The following GEN1 variants were observed in gnomAD, a reference collection of about 807,000 sequenced individuals.
The protein encoded by GEN1 is flap endonuclease GEN homolog 1.
A neutral mutation model predicts 67.6 loss-of-function variants in GEN1; 64 were observed. The ratio of observed to expected loss-of-function variants is 0.95; its 90% confidence interval spans 0.77 to 1.17. The LOEUF (loss-of-function observed/expected upper bound fraction) is 1.17, where lower values mean the gene tolerates loss of function less well. Among genes scored for constraint, GEN1 ranks in the 50% most tolerant of loss-of-function variants. The probability of loss-of-function intolerance (pLI) is 0.00; values close to 1 mark genes in which losing one functional copy is unlikely to be tolerated. For synonymous variants in GEN1, 371 were observed against 359.4 expected (o/e 1.03, Z -0.37); for missense variants, 1,058 against 1,048.3 (o/e 1.01, Z -0.13).
chr2:17,762,655 A>G (rs905269377), intron 3 of GEN1, among the ~76,000 whole-genome samples: 2 of 152,192 alleles, frequency 1.3e-5, no homozygotes, highest in African/African-American at 4.8e-5. Flanking sequence ...GTGGTTGTGC[A>G]ACATGTATGA....
chr2:17,757,942 G>C (rs1453926164), intron 1 of GEN1, among the ~76,000 whole-genome samples: 1 of 152,160 alleles, frequency 6.6e-6, no homozygotes, highest in Non-Finnish European at 1.5e-5. Context: ...GTTTTGAAAA[G>C]TGGTTCTTGC....
intron 12 of GEN1, among the ~76,000 whole-genome samples, chr2:17,779,342 C>G (rs757832406): frequency 9.9e-5 from 15 of 152,242 alleles, no homozygotes; most frequent in African/African-American, 3.1e-4. Flanking sequence ...AATTTTAACA[C>G]TTAACTGAAT....
At chr2:17,757,408 C>T (rs1490652467) in intron 1 of GEN1, among the ~76,000 whole-genome samples, 1 of 151,650 alleles carries the variant, frequency 6.6e-6, no homozygotes. Flanking sequence ...TACCATAACC[C>T]TCAGAAGGAA....
chr2:17,776,339 T>C (rs1287890196), intron 11 of GEN1, among the ~76,000 whole-genome samples: 2 of 152,158 alleles, frequency 1.3e-5, no homozygotes, highest in Non-Finnish European at 2.9e-5. Flanking sequence ...AGGACCTTTT[T>C]TTTAGGACAA....
rs946255296 is a variant in GEN1, at chr2:17,781,997, CAG to C, written c.*61_*62del. 4 of 927,618 alleles carry C rather than the reference CAG, an allele frequency of 4.3e-6. No individual in the cohort carries two copies. In the African/African-American group the frequency reaches 6.7e-5, roughly 15 times the overall value. 57.5% of individuals were successfully genotyped at this position (927,618 alleles called of 1,614,324 possible). A position where few individuals can be genotyped will look rare whatever the true frequency, so the allele number is the denominator to read the frequency against. ...TTAGTACTATCAGCAATAGCAGAGA[CAG>C]AGGGAAGGTATCTAGTTCATGTGTG... On this transcript the variant is annotated 3_prime_UTR_variant, in exon 14 of 14. Transcript: ENST00000381254.
At position 17,754,256 on chromosome 2, in the gene GEN1, GA is replaced by G. The variant is rs941467369; in HGVS notation, c.-102del. ...TTTTTTTTCCTTTTGAGAAAATTCAGAAATTTGGAGGCACAGTAGTTAGGAT... is the reference window on the plus strand; with the variant it reads ...TTTTTTTTCCTTTTGAGAAAATTCAGAATTTGGAGGCACAGTAGTTAGGAT... On this transcript the variant is annotated 5_prime_UTR_variant, in exon 1 of 14. Coordinates refer to ENST00000381254, the MANE Select transcript of GEN1 (RefSeq NM_001130009.3). 1 of 151,844 alleles carries G rather than the reference GA, an allele frequency of 6.6e-6. No homozygotes were observed. Among genetic ancestry groups the G allele is most frequent in the African/African-American group, 2.4e-5 (1 of 41,256 alleles). The allele number at this position is 151,844 out of a possible 1,614,324, so 9.4% of individuals were successfully genotyped here.
In GEN1 at chr2:17,785,593, T is replaced by TC. The variant is rs397983974; in HGVS notation, c.*3656dup. The stretch of plus-strand genomic sequence containing the variant: ...TGGCGGTTTTTCTTTTAGATTTTTT[T>TC]CCATATAAAATCTCTATCTGGCCAC... On this transcript the variant is annotated 3_prime_UTR_variant, in exon 14 of 14. Coordinates refer to ENST00000381254, the MANE Select transcript of GEN1 (RefSeq NM_001130009.3). 6.6e-6 allele frequency: 1 copy of TC among 151,944 alleles called. No individual in the cohort carries two copies. The highest frequency in any genetic ancestry group is 1.5e-5 in the Non-Finnish European group (1 of 67,996). 9.4% of individuals were successfully genotyped at this position (151,944 alleles called of 1,614,324 possible). A position where few individuals can be genotyped will look rare whatever the true frequency, so the allele number is the denominator to read the frequency against.
chr2:17,764,979 C>T lies in GEN1; in HGVS notation c.431C>T (p.Ala144Val), dbSNP rs1671856638. ...GAAGCCATGTGTGCTTATCTCAATGCTGGTGGTCATGTCGATGGCTGCCTC... is the reference window on the plus strand; with the variant it reads ...GAAGCCATGTGTGCTTATCTCAATGTTGGTGGTCATGTCGATGGCTGCCTC... ...EAEAMCAYLNAGGHVDGCLTN... is the reference protein window; with the variant it reads ...EAEAMCAYLNVGGHVDGCLTN... Residue 144 changes from alanine (A) to valine (V), a missense_variant, in exon 4 of 14, where the codon GCT becomes GTT. Ala to Val is a moderately conservative substitution (Grantham distance 64, BLOSUM62 0). Coordinates refer to ENST00000381254, the MANE Select transcript of GEN1 (RefSeq NM_001130009.3). The T allele has an allele frequency of 1.2e-6, 2 of 1,613,992 alleles. No homozygotes were observed. Among genetic ancestry groups the T allele is most frequent in the African/African-American group, 2.7e-5 (2 of 74,916 alleles).
rs1222557046 is a variant in GEN1, at chr2:17,784,944, G to A, written c.*3005G>A. 2.0e-5 allele frequency: 3 copies of A among 152,166 alleles called. No homozygotes were observed. Among genetic ancestry groups the A allele is most frequent in the Admixed American group, 6.5e-5 (1 of 15,278 alleles). The allele number at this position is 152,166 out of a possible 1,614,324, so 9.4% of individuals were successfully genotyped here. ...ACCAGTCCATCACCTGTCAGGAACC[G>A]GCCTGCACAGCAGGTGTTGAGCGGC... On this transcript the variant is annotated 3_prime_UTR_variant, in exon 14 of 14. Coordinates refer to ENST00000381254, the MANE Select transcript of GEN1 (RefSeq NM_001130009.3).
intron 3 of GEN1, among the ~76,000 whole-genome samples, chr2:17,762,374 T>G (rs1350664183): frequency 2.0e-5 from 3 of 150,266 alleles, no homozygotes; most frequent in African/African-American, 7.5e-5. Flanking sequence ...GCTAAGTTTT[T>G]TTTGTTTTTT....
At chr2:17,771,422 T>G in intron 7 of GEN1, 135 bp downstream of exon 7, 2 of 619,626 alleles carry the variant, frequency 3.2e-6, no homozygotes. Context: ...GATTAGGAAT[T>G]CCTTGCAGTC....
intron 13 of GEN1, 110 bp downstream of exon 13, chr2:17,780,231 CAA>C (rs1240126365): frequency 1.2e-6 from 1 of 844,014 alleles, no homozygotes; most frequent in Non-Finnish European, 1.8e-6. Flanking sequence ...TCTATAAACT[CAA>C]AAGTCAAGAA....
chr2:17,778,201 T>G (rs1469003067), intron 12 of GEN1, 138 bp downstream of exon 12: 4 of 448,782 alleles, frequency 8.9e-6, no homozygotes, highest in Admixed American at 7.4e-5. Context: ...CACACACATA[T>G]ATGTGTATAT....
In GEN1 at chr2:17,772,642, A is replaced by G. The variant is rs962193584; in HGVS notation, c.811A>G (p.Lys271Glu). The G allele has an allele frequency of 1.9e-6, 3 of 1,608,686 alleles. No homozygotes were observed. Among genetic ancestry groups the G allele is most frequent in the Non-Finnish European group, 2.5e-6 (3 of 1,177,652 alleles). ...CSVCSHPGSP[K>E]DHERNGCRLC... ...TTTGGGTCTCCATAAAGGTTCACCT[A>G]AGGATCATGAACGTAATGGATGCAG... Residue 271 changes from lysine (K) to glutamate (E), a missense_variant, in exon 8 of 14, where the codon AAG becomes GAG. Lys to Glu is a moderately conservative substitution (Grantham distance 56). Transcript: ENST00000381254.
In GEN1 at chr2:17,765,009, A is replaced by G. The variant is rs752849386; in HGVS notation, c.461A>G (p.Asn154Ser). 11 of 1,614,176 alleles carry G rather than the reference A, an allele frequency of 6.8e-6. No homozygotes were observed. The highest frequency in any genetic ancestry group is 2.2e-5 in the East Asian group (1 of 44,886). Residue 154 changes from asparagine to serine, a missense_variant, in exon 4 of 14, where the codon AAT (asparagine) becomes AGT (serine). By Grantham distance (46) the Asn-to-Ser change is conservative (BLOSUM62 1). Coordinates refer to ENST00000381254, the MANE Select transcript of GEN1 (RefSeq NM_001130009.3). ...AGGHVDGCLT[N>S]DGDTFLYGAQ... ...GGTCATGTCGATGGCTGCCTCACCA[A>G]TGATGGAGATACTTTCCTTTATGGG...
At chr2:17,757,034 C>T (rs2125115038) in intron 1 of GEN1, among the ~76,000 whole-genome samples, 1 of 152,280 alleles carries the variant, frequency 6.6e-6, no homozygotes, top group South Asian at 2.1e-4. Context: ...GATGTTCTTT[C>T]TAATAAAATG....
intron 1 of GEN1, among the ~76,000 whole-genome samples, chr2:17,757,927 G>T (rs1159471850): frequency 6.6e-6 from 1 of 152,094 alleles, no homozygotes; most frequent in Non-Finnish European, 1.5e-5. Flanking sequence ...AACACAAAGG[G>T]ATATGTTTTG....
In GEN1 at chr2:17,780,109, A is replaced by G. The variant is rs761497552; in HGVS notation, c.1396A>G (p.Lys466Glu). 1 of 1,611,856 alleles carries G rather than the reference A, an allele frequency of 6.2e-7. No homozygotes were observed. Among genetic ancestry groups the G allele is most frequent in the East Asian group, 2.2e-5 (1 of 44,812 alleles). Residue 466 changes from lysine (K) to glutamate (E), a missense_variant, in exon 13 of 14, where the codon AAG (lysine) becomes GAG (glutamate). Coordinates refer to ENST00000381254, the MANE Select transcript of GEN1 (RefSeq NM_001130009.3). The stretch of plus-strand genomic sequence containing the variant: ...AAAACAAAAGTTAGAAATTAAAGGG[A>G]AGAAACAAAAACGTAAGTTTTGGGT... ...YQKQKLEIKG[K>E]KQKRIKPKEN...
intron 1 of GEN1, among the ~76,000 whole-genome samples, chr2:17,755,997 T>A (rs924354779): frequency 2.0e-5 from 3 of 152,236 alleles, no homozygotes; most frequent in Non-Finnish European, 2.9e-5. Flanking sequence ...TTTATGTTCT[T>A]TCTATTATAC....
Sources: allele counts gnomAD v4.1 joint callset (sites outside exome capture counted in the v4.1 genomes callset), GRCh38; gene constraint gnomAD v4.1.1; transcripts MANE v1.5; gene names NCBI Gene and HGNC (gene_info 2026-07-23, HGNC 2026-07-21).